Variants in RARB observed in about 807,000 individuals in gnomAD.
The protein encoded by RARB is retinoic acid receptor beta, also known as HBV-activated protein.
Under a neutral mutation model 51.9 loss-of-function variants are expected in RARB, and 17 were observed. The ratio of observed to expected loss-of-function variants is 0.33; its 90% confidence interval spans 0.22 to 0.49. The LOEUF (loss-of-function observed/expected upper bound fraction) is 0.49, where lower values mean the gene tolerates loss of function less well. RARB is among the 20% of genes least tolerant of loss of function. RARB has a pLI of 0.99. For synonymous variants in RARB, 215 were observed against 195.4 expected, an observed-to-expected ratio of 1.10 and a Z score of -0.84; for missense variants, 369 against 550.8, an observed-to-expected ratio of 0.67 and a Z score of 3.30.
At chr3:25,434,049 T>C (rs1708318937) in intron 1 of RARB, among the ~76,000 whole-genome samples, 1 of 152,078 alleles carries the variant, frequency 6.6e-6, no homozygotes, top group Non-Finnish European at 1.5e-5. Context: ...AAGATAAGAC[T>C]CTCTGCCCCC....
chr3:25,174,558 G>A, exon 5 of RARB: 1 of 1,352,100 alleles, frequency 7.4e-7, no homozygotes, highest in South Asian at 1.1e-5. Context: ...AGTGGATGCA[G>A]CACCCCGTCG....
At chr3:25,544,711 A>G (rs547862037) in intron 3 of RARB, among the ~76,000 whole-genome samples, 37 of 152,216 alleles carry the variant, frequency 2.4e-4, no homozygotes, top group African/African-American at 8.7e-4. Flanking sequence ...TAATCTACAC[A>G]TTACAGGCAA....
chr3:25,588,167 A>T (rs1392344999), intron 5 of RARB, among the ~76,000 whole-genome samples: 1 of 152,242 alleles, frequency 6.6e-6, no homozygotes, highest in South Asian at 2.1e-4. Flanking sequence ...GTGAAATACT[A>T]CACAGCAGTG....
intron 5 of RARB, among the ~76,000 whole-genome samples, chr3:25,281,908 A>C (rs1703532885): frequency 6.6e-6 from 1 of 152,192 alleles, no homozygotes; most frequent in South Asian, 2.1e-4. Flanking sequence ...AGCTGTGCTC[A>C]TGTTGTGTTA....
chr3:25,410,269 C>T (rs1239952477), intron 5 of RARB, among the ~76,000 whole-genome samples: 3 of 152,156 alleles, frequency 2.0e-5, no homozygotes, highest in African/African-American at 7.2e-5. Context: ...ATTTCCAGTG[C>T]CTGGTGAATT....
intron 1 of RARB, among the ~76,000 whole-genome samples, chr3:24,831,176 TG>T (rs755122284): frequency 3.9e-4 from 60 of 152,356 alleles, no homozygotes; most frequent in Non-Finnish European, 7.3e-4. Context: ...CCGGATTAAA[TG>T]GCTTGTGTAA....
At chr3:25,361,626 CT>C (rs1355231186) in intron 5 of RARB, among the ~76,000 whole-genome samples, 1 of 152,086 alleles carries the variant, frequency 6.6e-6, no homozygotes, top group Non-Finnish European at 1.5e-5. Context: ...ATTTATCTAC[CT>C]TTGTTCTTTG....
At chr3:24,951,775 C>A (rs1442990060) in intron 2 of RARB, among the ~76,000 whole-genome samples, 1 of 152,184 alleles carries the variant, frequency 6.6e-6, no homozygotes, top group Non-Finnish European at 1.5e-5. Context: ...CTCCTTTGGT[C>A]ATTTAATCCC....
intron 2 of RARB, among the ~76,000 whole-genome samples, chr3:24,972,659 C>G (rs1178815318): frequency 6.6e-6 from 1 of 151,874 alleles, no homozygotes; most frequent in Non-Finnish European, 1.5e-5. Context: ...TCTGTTATTT[C>G]CAGACTTTTT....
At chr3:25,523,659 A>C (rs1698505411) in intron 3 of RARB, among the ~76,000 whole-genome samples, 1 of 152,172 alleles carries the variant, frequency 6.6e-6, no homozygotes. Flanking sequence ...TGTTTACCCC[A>C]CATACTTTAT....
chr3:25,062,619 T>C (rs1698573894), intron 3 of RARB, among the ~76,000 whole-genome samples: 1 of 151,914 alleles, frequency 6.6e-6, no homozygotes, highest in Admixed American at 6.6e-5. Flanking sequence ...ATAACCTGGA[T>C]AAACCTTGAG....
At chr3:25,370,471 T>G (rs1706264603) in intron 5 of RARB, among the ~76,000 whole-genome samples, 1 of 151,244 alleles carries the variant, frequency 6.6e-6, no homozygotes, top group African/African-American at 2.4e-5. Flanking sequence ...GGAGTGGGAG[T>G]TTTCTGGCTT....
chr3:25,014,145 G>T (rs1299285671), intron 2 of RARB, among the ~76,000 whole-genome samples: 1 of 152,004 alleles, frequency 6.6e-6, no homozygotes, highest in Non-Finnish European at 1.5e-5. Context: ...CCATTTTGTG[G>T]CATATGTTTT....
chr3:25,238,617 C>T (rs556835901), intron 5 of RARB, among the ~76,000 whole-genome samples: 4 of 152,158 alleles, frequency 2.6e-5, no homozygotes, highest in African/African-American at 9.7e-5. Context: ...TACTTTACAT[C>T]CCCACCAATG....
Position 25,008,330 on chromosome 3 carries a change from T to C in RARB, c.-379-51795T>C, listed in dbSNP as rs546673781. ...TCTCTCCTATTTACCCATTTCCTCT[T>C]GTATACAGATGACCGCTCCTCTGAC... On this transcript the variant is annotated intron_variant, in intron 2 of 11. Coordinates refer to the RARB transcript ENST00000383772. Among the ~76,000 whole-genome samples, 12 of 152,280 alleles carry C rather than the reference T, an allele frequency of 7.9e-5. No individual in the cohort carries two copies. The South Asian group carries it at 1.0e-3, about 13-fold the overall frequency.
chr3:25,340,303 C>T (rs1490263210), intron 5 of RARB, among the ~76,000 whole-genome samples: 5 of 152,102 alleles, frequency 3.3e-5, no homozygotes, highest in Admixed American at 2.6e-4. Flanking sequence ...TAGGAAGCTT[C>T]CCTAGTGAGT....
chr3:25,202,036 G>A (rs1008969631), intron 5 of RARB, among the ~76,000 whole-genome samples: 1 of 152,070 alleles, frequency 6.6e-6, no homozygotes, highest in African/African-American at 2.4e-5. Context: ...GTATCCTGGT[G>A]GAATTCAGCT....
intron 3 of RARB, among the ~76,000 whole-genome samples, chr3:25,528,378 G>GT (rs1698746875): frequency 6.6e-6 from 1 of 152,120 alleles, no homozygotes; most frequent in Non-Finnish European, 1.5e-5. Context: ...GTGAAACCCT[G>GT]TTATAACATT....
chr3:25,152,905 A>G (rs1700313509), intron 4 of RARB, among the ~76,000 whole-genome samples: 1 of 152,216 alleles, frequency 6.6e-6, no homozygotes, highest in Non-Finnish European at 1.5e-5. Flanking sequence ...GAAAATCTAA[A>G]ACTTCGGAAA....
Sources: allele counts gnomAD v4.1 joint callset (sites outside exome capture counted in the v4.1 genomes callset), GRCh38; gene constraint gnomAD v4.1.1; transcripts MANE v1.5; gene names NCBI Gene and HGNC (gene_info 2026-07-23, HGNC 2026-07-21).